The following ARHGAP26 variants were observed in gnomAD, a reference collection of about 807,000 sequenced individuals.
ARHGAP26 encodes the protein Rho GTPase activating protein 26, also known as rho GTPase-activating protein 26.
A neutral mutation model predicts 104.8 loss-of-function variants in ARHGAP26; 38 were observed. That is an observed-to-expected ratio of 0.36 (90% CI 0.28 to 0.48). The LOEUF (loss-of-function observed/expected upper bound fraction) is 0.48. ARHGAP26 is among the 20% of genes least tolerant of loss of function. The pLI is 0.99. For synonymous variants in ARHGAP26, 341 were observed against 340.0 expected, an observed-to-expected ratio of 1.00 and a Z score of -0.03; for missense variants, 704 against 947.9, an observed-to-expected ratio of 0.74 and a Z score of 3.38.
chr5:143,162,677 A>G (rs1463757353), intron 20 of ARHGAP26, among the ~76,000 whole-genome samples: 1 of 152,152 alleles, frequency 6.6e-6, no homozygotes, highest in Non-Finnish European at 1.5e-5. Flanking sequence ...ACTTATTTTC[A>G]TCTAATGTTT....
intron 11 of ARHGAP26, among the ~76,000 whole-genome samples, chr5:142,994,647 T>C (rs1776126967): frequency 6.6e-6 from 1 of 152,146 alleles, no homozygotes; most frequent in African/African-American, 2.4e-5. Flanking sequence ...TGTCACCTGA[T>C]TAGATATGGG....
intron 1 of ARHGAP26, among the ~76,000 whole-genome samples, chr5:142,857,606 G>T (rs961765189): frequency 6.6e-6 from 1 of 151,916 alleles, no homozygotes; most frequent in Non-Finnish European, 1.5e-5. Context: ...ATAGGAGGAA[G>T]TGTCTGTGAA....
intron 10 of ARHGAP26, among the ~76,000 whole-genome samples, chr5:142,928,130 A>G (rs2152523089): frequency 6.6e-6 from 1 of 152,130 alleles, no homozygotes; most frequent in South Asian, 2.1e-4. Flanking sequence ...AAAGTAATTA[A>G]GTAATTAAAT....
intron 17 of ARHGAP26, among the ~76,000 whole-genome samples, chr5:143,089,196 A>AT (rs1207432217): frequency 2.0e-5 from 3 of 151,972 alleles, no homozygotes; most frequent in Non-Finnish European, 1.5e-5. Flanking sequence ...GTTTTGCTGG[A>AT]TTTTCCAAAA....
intron 20 of ARHGAP26, among the ~76,000 whole-genome samples, chr5:143,164,068 C>A: frequency 1.4e-5 from 2 of 147,624 alleles, no homozygotes; most frequent in Admixed American, 6.7e-5. Flanking sequence ...TTCTCCCAAA[C>A]ATCTAGCAGT....
chr5:143,204,319 T>G (rs1208532586), intron 20 of ARHGAP26, among the ~76,000 whole-genome samples: 1 of 151,946 alleles, frequency 6.6e-6, no homozygotes, highest in Non-Finnish European at 1.5e-5. Flanking sequence ...GGTCAGGAGT[T>G]CAAGACCAGC....
intron 10 of ARHGAP26, among the ~76,000 whole-genome samples, chr5:142,921,175 C>G (rs990504478): frequency 1.3e-5 from 2 of 151,846 alleles, no homozygotes; most frequent in African/African-American, 4.8e-5. Flanking sequence ...CAACTCTATT[C>G]TTCTTCTTCC....
At chr5:143,032,862 A>C (rs544315844) in intron 12 of ARHGAP26, among the ~76,000 whole-genome samples, 1 of 152,318 alleles carries the variant, frequency 6.6e-6, no homozygotes, top group East Asian at 1.9e-4. Context: ...TGTGTGAAAA[A>C]GAAGAGACAA....
chr5:143,061,772 C>T (rs757694198), intron 17 of ARHGAP26, among the ~76,000 whole-genome samples: 4 of 152,204 alleles, frequency 2.6e-5, no homozygotes, highest in Non-Finnish European at 2.9e-5. Flanking sequence ...GCTCAGCCAG[C>T]GTCTTGTGTT....
intron 11 of ARHGAP26, among the ~76,000 whole-genome samples, chr5:142,947,929 T>C (rs1767413717): frequency 6.6e-6 from 1 of 152,094 alleles, no homozygotes. Context: ...GTGAAGCGGG[T>C]GGATCACTTG....
At chr5:143,191,353 G>C (rs1227671006) in intron 20 of ARHGAP26, among the ~76,000 whole-genome samples, 1 of 152,136 alleles carries the variant, frequency 6.6e-6, no homozygotes, top group Non-Finnish European at 1.5e-5. Context: ...GGACAAATAT[G>C]CTTTTCATTC....
At chr5:143,149,432 C>T (rs1280981300) in intron 20 of ARHGAP26, among the ~76,000 whole-genome samples, 1 of 152,120 alleles carries the variant, frequency 6.6e-6, no homozygotes, top group Admixed American at 6.6e-5. Context: ...TCAAAGTCCC[C>T]CATAAGCTCT....
chr5:142,798,101 AG>A (rs1379396372), intron 1 of ARHGAP26, among the ~76,000 whole-genome samples: 7 of 152,194 alleles, frequency 4.6e-5, no homozygotes, highest in Non-Finnish European at 8.8e-5. Context: ...CACTATAGCC[AG>A]GGTGGTCTTT....
At chr5:142,838,306 T>C (rs1770027486) in intron 1 of ARHGAP26, among the ~76,000 whole-genome samples, 1 of 151,936 alleles carries the variant, frequency 6.6e-6, no homozygotes, top group African/African-American at 2.4e-5. Context: ...GATTCTGTAG[T>C]AATGTTTGTA....
At chr5:142,992,696 C>T (rs1016902752) in intron 11 of ARHGAP26, among the ~76,000 whole-genome samples, 1 of 152,046 alleles carries the variant, frequency 6.6e-6, no homozygotes, top group Non-Finnish European at 1.5e-5. Context: ...AAAGTGCTAG[C>T]ATTACAGGCA....
At chr5:143,116,448 C>G (rs976432042) in intron 17 of ARHGAP26, among the ~76,000 whole-genome samples, 13 of 152,176 alleles carry the variant, frequency 8.5e-5, no homozygotes, top group African/African-American at 3.1e-4. Context: ...AAACTTATCT[C>G]CAAACCCTAC....
At chr5:142,928,233 T>G (rs37188) in intron 10 of ARHGAP26, among the ~76,000 whole-genome samples, 33,668 of 118,094 alleles carry the variant, frequency 0.29, 4,349 homozygotes, top group East Asian at 0.56. Context: ...GTGTGTGTGT[T>G]TTTTTTTTTT....
chr5:142,814,337 A>G (rs545959546), intron 1 of ARHGAP26, among the ~76,000 whole-genome samples: 10 of 152,214 alleles, frequency 6.6e-5, no homozygotes, highest in Admixed American at 1.3e-4. Flanking sequence ...GAGGTTTGGA[A>G]TCTGTTGACT....
chr5:143,079,237 C>T (rs1789465577), intron 17 of ARHGAP26, among the ~76,000 whole-genome samples: 1 of 152,222 alleles, frequency 6.6e-6, no homozygotes, highest in Admixed American at 6.5e-5. Flanking sequence ...GGCAACCAAA[C>T]AAGTTAGGTG....
Sources: gnomAD v4.1 joint callset for allele counts (sites outside exome capture counted in the v4.1 genomes callset) on GRCh38, gnomAD v4.1.1 for gene constraint, MANE v1.5 for transcripts, NCBI Gene and HGNC (gene_info 2026-07-23, HGNC 2026-07-21) for gene names.